The following KRT19 variants were observed in gnomAD, a reference collection of about 807,000 sequenced individuals.
The protein encoded by KRT19 is keratin, type I cytoskeletal 19.
Under a neutral mutation model 34.6 loss-of-function variants are expected in KRT19, and 21 were observed. That is an observed-to-expected ratio of 0.61 (90% CI 0.43 to 0.87). The LOEUF (loss-of-function observed/expected upper bound fraction) is 0.87. Ranked by LOEUF, KRT19 falls within the 40% of genes least tolerant of loss-of-function variation. KRT19 has a pLI of 0.00. For synonymous variants in KRT19, 240 were observed against 245.8 expected, an observed-to-expected ratio of 0.98 and a Z score of 0.22; for missense variants, 514 against 545.7, an observed-to-expected ratio of 0.94 and a Z score of 0.58.
In KRT19 at chr17:41,525,292, G is replaced by T; in HGVS notation, c.421-19C>A. On this transcript the variant is annotated intron_variant, in intron 1 of 5. Transcript: ENST00000361566. ...CAAGAATCTGGAAGGCAGAGGCAGA[G>T]GTTGGTACCAGTTCAACACACAGGC... The T allele has an allele frequency of 6.3e-7, 1 of 1,585,872 alleles. No individual in the cohort carries two copies. The highest frequency in any genetic ancestry group is 1.1e-5 in the South Asian group (1 of 90,474).
At position 41,528,010 on chromosome 17, in the gene KRT19, C is replaced by G; in HGVS notation, c.238G>C (p.Glu80Gln). ...TASDGLLAGN[E>Q]KLTMQNLNDR... ...TTGAGGTTCTGCATGGTTAGCTTCT[C>G]GTTGCCCGCCAGCAGCCCGTCGGAC... The change falls in exon 1 of 6, where the codon GAG becomes CAG. Residue 80 changes from glutamate to glutamine, a missense_variant. Physicochemically the swap from Glu to Gln is conservative, Grantham distance 29. Coordinates refer to ENST00000361566, the MANE Select transcript of KRT19 (RefSeq NM_002276.5). 1.2e-6 allele frequency: 2 copies of G among 1,613,204 alleles called. No individual in the cohort carries two copies. Among genetic ancestry groups the G allele is most frequent in the Non-Finnish European group, 1.7e-6 (2 of 1,179,782 alleles).
intron 1 of KRT19, among the ~76,000 whole-genome samples, chr17:41,527,525 C>G (rs1434091185): frequency 6.6e-6 from 1 of 152,238 alleles, no homozygotes; most frequent in African/African-American, 2.4e-5. Context: ...CTCTTCAGGC[C>G]TCGCTGACCC....
rs1389547318 is a variant in KRT19 at position 41,524,249 on chromosome 17, T to A, written c.842A>T (p.Glu281Val). ...GAGCTGCTCCGTGTGGCCAGCGACC[T>A]CCCGGTTCAATTCTTCAGTCTGCAG... ...FTSRTEELNR[E>V]VAGHTEQLQM... is the part of the protein sequence containing the mutation. Residue 281 changes from glutamate to valine, a missense_variant, in exon 5 of 6, where the codon GAG becomes GTG. Physicochemically the swap from Glu to Val is moderately radical, Grantham distance 121. Transcript: ENST00000361566. 7 of 1,613,996 alleles carry A rather than the reference T, an allele frequency of 4.3e-6. No individual in the cohort carries two copies. The Middle Eastern group carries it at 8.3e-4, about 190-fold the overall frequency.
Position 41,524,158 on chromosome 17 carries a change from C to T in KRT19, c.933G>A (p.Gln311=). The T allele has an allele frequency of 6.2e-7, 1 of 1,613,902 alleles. No homozygotes were observed. The highest frequency in any genetic ancestry group is 8.5e-7 in the Non-Finnish European group (1 of 1,179,902). ...GGACACATACCATGCTCAGCTGTGA[C>T]TGCAGCTCAATCTCAAGACCCTGAA... ...RTLQGLEIEL[Q]SQLSMKAALE... The change falls in exon 5 of 6, where the codon CAG becomes CAA. Residue 311 remains glutamine (Q), a synonymous_variant. Coordinates refer to ENST00000361566, the MANE Select transcript of KRT19 (RefSeq NM_002276.5).
intron 1 of KRT19, among the ~76,000 whole-genome samples, chr17:41,525,983 T>G (rs575348339): frequency 1.3e-5 from 2 of 152,142 alleles, no homozygotes; most frequent in East Asian, 3.9e-4. Flanking sequence ...TTTTTTGGGG[T>G]TTTTTTGAGA....
intron 3 of KRT19, 99 bp downstream of exon 3, chr17:41,524,744 T>C: frequency 7.1e-7 from 1 of 1,400,900 alleles, no homozygotes; most frequent in Non-Finnish European, 1.0e-6. Context: ...ATGGTGAGGG[T>C]GCACCAAGTG....
Position 41,527,871 on chromosome 17 carries a change from T to A in KRT19, c.377A>T (p.Asp126Val). Residue 126 changes from aspartate (D) to valine (V), a missense_variant, in exon 1 of 6, where the codon GAC becomes GTC. By Grantham distance (152) the Asp-to-Val change is radical. Coordinates refer to ENST00000361566, the MANE Select transcript of KRT19 (RefSeq NM_002276.5). Reference sequence around the variant, plus strand: ...GATGGTCGTGTAGTAGTGGCTGTAGTCGCGGGAGGGCCCAGGCCCCTGCTT... The same window carrying A: ...GATGGTCGTGTAGTAGTGGCTGTAGACGCGGGAGGGCCCAGGCCCCTGCTT... ...YQKQGPGPSRDYSHYYTTIQD... is the reference protein window; with the variant it reads ...YQKQGPGPSRVYSHYYTTIQD... The A allele has an allele frequency of 6.2e-7, 1 of 1,612,812 alleles. No homozygotes were observed. The highest frequency in any genetic ancestry group is 1.7e-5 in the Admixed American group (1 of 59,954).
In KRT19 at chr17:41,528,279, G is replaced by T. The variant is rs766455957; in HGVS notation, c.-32C>A. 9 of 1,499,068 alleles carry T rather than the reference G, an allele frequency of 6.0e-6. No homozygotes were observed. Among genetic ancestry groups the T allele is most frequent in the Middle Eastern group, 2.5e-4 (1 of 4,028 alleles). The allele number at this position is 1,499,068 out of a possible 1,614,324, so 92.9% of individuals were successfully genotyped here. On this transcript the variant is annotated 5_prime_UTR_variant, in exon 1 of 6. Transcript: ENST00000361566. ...GCGGAGCACGGACGGAGCAACCCTG[G>T]TCTCAGAAGCTGCGATTCGCGGGAG...
chr17:41,524,234 G>A lies in KRT19; in HGVS notation c.857C>T (p.Thr286Met), dbSNP rs758074102. The A allele has an allele frequency of 2.8e-5, 45 of 1,613,966 alleles. No individual in the cohort carries two copies. The South Asian group carries it at 4.1e-4, about 15-fold the overall frequency. Residue 286 changes from threonine to methionine, a missense_variant, in exon 5 of 6, where the codon ACG becomes ATG. By Grantham distance (81) the Thr-to-Met change is moderately conservative (BLOSUM62 -1). Coordinates refer to ENST00000361566, the MANE Select transcript of KRT19 (RefSeq NM_002276.5). ...EELNREVAGH[T>M]EQLQMSRSEV... ...GGACCTGCTCATCTGGAGCTGCTCC[G>A]TGTGGCCAGCGACCTCCCGGTTCAA... is the stretch of plus-strand genomic sequence containing the variant.
At chr17:41,524,822 A>C (rs1905801063) in intron 3 of KRT19, 21 bp downstream of exon 3, 5 of 1,612,720 alleles carry the variant, frequency 3.1e-6, no homozygotes, top group Admixed American at 1.7e-5. Flanking sequence ...GGATGGAAGA[A>C]AGGCCCAGCT....
rs774046851 is a variant in KRT19 at position 41,528,110 on chromosome 17, G to A, written c.138C>T (p.Ser46=). 9 of 1,609,418 alleles carry A rather than the reference G, an allele frequency of 5.6e-6. No homozygotes were observed. The East Asian group carries it at 2.0e-4, about 36-fold the overall frequency. The change falls in exon 1 of 6, where the codon TCC becomes TCT. Residue 46 remains serine (S), a synonymous_variant. Transcript: ENST00000361566. The stretch of plus-strand genomic sequence containing the variant: ...AGGACACAAAGCGGGCGGAGGACAC[G>A]GATACGCCGCGGCCGCCGGAGCCCC... ...IHGGSGGRGV[S]VSSARFVSSS...
At position 41,524,454 on chromosome 17, in the gene KRT19, C is replaced by G. The variant is rs200887813; in HGVS notation, c.747G>C (p.Leu249=). The part of the protein sequence containing the change: ...SAPGTDLAKI[L]SDMRSQYEVM... ...CCTCATATTGGCTTCGCATGTCACT[C>G]AGGATCTTGGCGAGATCGGTGCCCG... Residue 249 remains leucine, a synonymous_variant, in exon 4 of 6, where the codon CTG becomes CTC. Coordinates refer to ENST00000361566, the MANE Select transcript of KRT19 (RefSeq NM_002276.5). 1 of 1,614,200 alleles carries G rather than the reference C, an allele frequency of 6.2e-7. No homozygotes were observed. Among genetic ancestry groups the G allele is most frequent in the East Asian group, 2.2e-5 (1 of 44,882 alleles).
Position 41,523,869 on chromosome 17 carries a change from C to T in KRT19, c.1077G>A (p.Gln359=). 6.2e-7 allele frequency: 1 copy of T among 1,614,106 alleles called. No homozygotes were observed. The highest frequency in any genetic ancestry group is 1.1e-5 in the South Asian group (1 of 91,080). ...LGDVRADSER[Q]NQEYQRLMDI... ...CCATGAGCCGCTGGTACTCCTGATT[C>T]TGCCGCTCACTATCAGCTCGCACAT... Residue 359 remains glutamine, a synonymous_variant, in exon 6 of 6, where the codon CAG becomes CAA. Coordinates refer to ENST00000361566, the MANE Select transcript of KRT19 (RefSeq NM_002276.5).
chr17:41,526,743 T>G (rs954811921), intron 1 of KRT19, among the ~76,000 whole-genome samples: 7 of 152,006 alleles, frequency 4.6e-5, no homozygotes, highest in Non-Finnish European at 7.4e-5. Context: ...AGCTAATTTT[T>G]GTATTTTTAG....
In KRT19 at chr17:41,527,797, C is replaced by T. The variant is rs977958151; in HGVS notation, c.420+31G>A. ...GGGCTGGGTTTCCGCGGCAGGTGCA[C>T]TGCACTTCCCGCGGCCGGGCCTCCG... On this transcript the variant is annotated intron_variant, in intron 1 of 5. Transcript: ENST00000361566. The T allele has an allele frequency of 2.1e-5, 33 of 1,544,592 alleles. No individual in the cohort carries two copies. In the Admixed American group the frequency reaches 2.7e-4, roughly 13 times the overall value.
chr17:41,527,728 G>C, intron 1 of KRT19, 100 bp downstream of exon 1: 2 of 1,326,398 alleles, frequency 1.5e-6, no homozygotes, highest in Non-Finnish European at 2.0e-6. Flanking sequence ...ACGTCCTAAC[G>C]GGCTCCTGCC....
At position 41,524,848 on chromosome 17, in the gene KRT19, C is replaced by T. The variant is rs1213181145; in HGVS notation, c.655G>A (p.Glu219Lys). The change falls in exon 3 of 6, where the codon GAG becomes AAG. Residue 219 changes from glutamate to lysine, a missense_variant. Transcript: ENST00000361566. ...EELAYLKKNH[E>K]EEISTLRGQV... ...AGGCCCAGCTTCAAACCCACCTCCT[C>T]ATGGTTCTTCTTCAGGTAGGCCAGC... 1 of 1,613,786 alleles carries T rather than the reference C, an allele frequency of 6.2e-7. No individual in the cohort carries two copies. Among genetic ancestry groups the T allele is most frequent in the Non-Finnish European group, 8.5e-7 (1 of 1,180,040 alleles).
Position 41,527,987 on chromosome 17 carries a change from G to A in KRT19, c.261C>T (p.Leu87=). 6.2e-7 allele frequency: 1 copy of A among 1,613,682 alleles called. No homozygotes were observed. The highest frequency in any genetic ancestry group is 8.5e-7 in the Non-Finnish European group (1 of 1,179,896). Residue 87 remains leucine, a synonymous_variant, in exon 1 of 6, where the codon CTC becomes CTT. Transcript: ENST00000361566. ...CCAGGTAGGAGGCCAGGCGGTCGTT[G>A]AGGTTCTGCATGGTTAGCTTCTCGT... is the stretch of plus-strand genomic sequence containing the variant. The part of the protein sequence containing the change: ...AGNEKLTMQN[L]NDRLASYLDK...
Position 41,523,760 on chromosome 17 carries a change from C to G in KRT19, c.1186G>C (p.Ala396Pro), listed in dbSNP as rs780450808. Residue 396 changes from alanine (A) to proline (P), a missense_variant, in exon 6 of 6, where the codon GCC becomes CCC. Coordinates refer to ENST00000361566, the MANE Select transcript of KRT19 (RefSeq NM_002276.5). ...CTGCTGCCTCAGAGGACCTTGGAGG[C>G]AGACAAATTGTTGTAGTGATCTTCC... ...GQEDHYNNLSASKVL is the reference protein window; with the variant it reads ...GQEDHYNNLSPSKVL 3 of 1,613,872 alleles carry G rather than the reference C, an allele frequency of 1.9e-6. No individual in the cohort carries two copies. In the South Asian group the frequency reaches 3.3e-5, roughly 18 times the overall value.
Sources: gnomAD v4.1 joint callset for allele counts (sites outside exome capture counted in the v4.1 genomes callset) on GRCh38, gnomAD v4.1.1 for gene constraint, MANE v1.5 for transcripts, NCBI Gene and HGNC (gene_info 2026-07-23, HGNC 2026-07-21) for gene names.